MRLN: variants seen among roughly 807,000 people sequenced by gnomAD.
MRLN encodes the protein Linc-RNA activator of myogenesis.
intron 1 of MRLN, among the ~76,000 whole-genome samples, chr10:59,750,103 G>A (rs1267046875): frequency 2.7e-5 from 3 of 111,010 alleles, no homozygotes; most frequent in African/African-American, 3.5e-5. Context: ...ACGGAGTTTC[G>A]CTCTTGTTGC....
At chr10:59,737,460 A>G (rs1241353711) in intron 2 of MRLN, among the ~76,000 whole-genome samples, 1 of 152,116 alleles carries the variant, frequency 6.6e-6, no homozygotes, top group Non-Finnish European at 1.5e-5. Flanking sequence ...TCTAAAACAA[A>G]CAGCTCAAGG....
At chr10:59,742,369 A>G (rs1216219597) in intron 1 of MRLN, among the ~76,000 whole-genome samples, 1 of 152,222 alleles carries the variant, frequency 6.6e-6, no homozygotes, top group Non-Finnish European at 1.5e-5. Context: ...ACAAAAGACA[A>G]CAGCGTAAGT....
At chr10:59,746,519 A>T (rs539528499) in intron 1 of MRLN, among the ~76,000 whole-genome samples, 4 of 152,200 alleles carry the variant, frequency 2.6e-5, no homozygotes, top group Non-Finnish European at 4.4e-5. Flanking sequence ...AAAGATCTAC[A>T]TTATAATGGA....
intron 1 of MRLN, among the ~76,000 whole-genome samples, chr10:59,743,651 G>C (rs547980337): frequency 1.3e-5 from 2 of 152,188 alleles, no homozygotes; most frequent in South Asian, 4.2e-4. Context: ...CATTGAAAAT[G>C]AATCATGGGT....
intron 1 of MRLN, among the ~76,000 whole-genome samples, chr10:59,752,578 C>G (rs1003139425): frequency 6.6e-6 from 1 of 152,184 alleles, no homozygotes; most frequent in Non-Finnish European, 1.5e-5. Flanking sequence ...TATTTAGAAG[C>G]CTGGTGCACA....
At chr10:59,753,051 C>A (rs1388909739) in intron 1 of MRLN, among the ~76,000 whole-genome samples, 2 of 152,176 alleles carry the variant, frequency 1.3e-5, no homozygotes, top group Non-Finnish European at 2.9e-5. Context: ...AGGTCTTGGT[C>A]AAGTAGTTTA....
chr10:59,751,097 T>A (rs1841098602), intron 1 of MRLN, among the ~76,000 whole-genome samples: 1 of 152,180 alleles, frequency 6.6e-6, no homozygotes, highest in South Asian at 2.1e-4. Flanking sequence ...GGTGGCAATG[T>A]CTTTATGTTT....
intron 1 of MRLN, among the ~76,000 whole-genome samples, chr10:59,742,639 G>A (rs1423923649): frequency 1.3e-5 from 2 of 152,044 alleles, no homozygotes; most frequent in Admixed American, 6.6e-5. Context: ...GAAGCTTCAT[G>A]TGATTTATTT....
chr10:59,737,336 A>G (rs1589014672), intron 2 of MRLN, 116 bp from the exon 3 acceptor site: 1 of 371,240 alleles, frequency 2.7e-6, no homozygotes, highest in East Asian at 3.7e-5. Context: ...CTTCCAGGGA[A>G]TATTCCACAC....
chr10:59,750,432 C>CA (rs1376561761), intron 1 of MRLN, among the ~76,000 whole-genome samples: 8 of 152,176 alleles, frequency 5.3e-5, no homozygotes, highest in Admixed American at 1.3e-4. Flanking sequence ...CATTGATGGC[C>CA]ATGCCTCAAA....
At chr10:59,737,348 T>G (rs1018819844) in intron 2 of MRLN, 128 bp from the exon 3 acceptor site, 3 of 366,286 alleles carry the variant, frequency 8.2e-6, no homozygotes, top group African/African-American at 6.2e-5. Flanking sequence ...ATTCCACACC[T>G]ATTTGTAACC....
chr10:59,748,278 T>A (rs983747553), intron 1 of MRLN, among the ~76,000 whole-genome samples: 3 of 152,196 alleles, frequency 2.0e-5, no homozygotes, highest in Non-Finnish European at 4.4e-5. Flanking sequence ...TTTGGGCATA[T>A]GCAATGGTAA....
chr10:59,746,606 T>C (rs183384131), intron 1 of MRLN, among the ~76,000 whole-genome samples: 1 of 152,352 alleles, frequency 6.6e-6, no homozygotes, highest in Non-Finnish European at 1.5e-5. Flanking sequence ...ATCCTTTCTA[T>C]ATAAGTGAGC....
intron 1 of MRLN, among the ~76,000 whole-genome samples, chr10:59,741,555 T>C (rs1038589951): frequency 6.6e-6 from 1 of 152,074 alleles, no homozygotes; most frequent in Non-Finnish European, 1.5e-5. Context: ...GCTAATTTTT[T>C]GTATTTTTTG....
intron 1 of MRLN, among the ~76,000 whole-genome samples, chr10:59,743,473 C>T (rs1170331275): frequency 6.6e-6 from 1 of 152,012 alleles, no homozygotes; most frequent in Admixed American, 6.5e-5. Flanking sequence ...TCTCTTCCAC[C>T]ATGAGGAACA....
At chr10:59,745,923 C>T (rs1187888746) in intron 1 of MRLN, among the ~76,000 whole-genome samples, 1 of 152,026 alleles carries the variant, frequency 6.6e-6, no homozygotes, top group Non-Finnish European at 1.5e-5. Flanking sequence ...AACAAAAAAA[C>T]AAACAACAAC....
At chr10:59,743,816 C>T (rs1020589424) in intron 1 of MRLN, among the ~76,000 whole-genome samples, 1 of 152,162 alleles carries the variant, frequency 6.6e-6, no homozygotes, top group Non-Finnish European at 1.5e-5. Context: ...AGGTGCGCGC[C>T]GCCACGCCTG....
At chr10:59,752,943 TC>T (rs1338016368) in intron 1 of MRLN, among the ~76,000 whole-genome samples, 3 of 152,090 alleles carry the variant, frequency 2.0e-5, no homozygotes, top group African/African-American at 4.8e-5. Flanking sequence ...CTCCCCCCAA[TC>T]CCCTACATAT....
intron 1 of MRLN, among the ~76,000 whole-genome samples, chr10:59,748,688 G>A (rs917739308): frequency 3.9e-5 from 6 of 152,248 alleles, no homozygotes; most frequent in African/African-American, 1.4e-4. Flanking sequence ...GAGAAGTGCA[G>A]AGACTTGTCT....
Sources: allele counts gnomAD v4.1 joint callset (sites outside exome capture counted in the v4.1 genomes callset), GRCh38; gene constraint gnomAD v4.1.1; transcripts MANE v1.5; gene names NCBI Gene and HGNC (gene_info 2026-07-23, HGNC 2026-07-21).